Variants in SAMD3 observed in about 807,000 individuals in gnomAD.
SAMD3 encodes the protein sterile alpha motif domain containing 3.
In SAMD3, 63 loss-of-function variants were observed where a neutral mutation model predicts 58.5. The observed-to-expected ratio is 1.08, with a 90% CI of 0.88 to 1.33. The LOEUF is 1.33. Among genes scored for constraint, SAMD3 ranks in the 40% most tolerant of loss-of-function variants. SAMD3 has a pLI of 0.00. For missense variants in SAMD3, 604 were observed against 608.4 expected, an observed-to-expected ratio of 0.99 and a Z score of 0.08; for synonymous variants, 220 against 210.3, an observed-to-expected ratio of 1.05 and a Z score of -0.40.
chr6:130,310,034 T>C (rs1189360697), intron 2 of SAMD3, among the ~76,000 whole-genome samples: 1 of 152,194 alleles, frequency 6.6e-6, no homozygotes, highest in African/African-American at 2.4e-5. Flanking sequence ...TAACACTGCA[T>C]TTCAAATCCA....
At chr6:130,255,859 T>C (rs944231006) in intron 2 of SAMD3, among the ~76,000 whole-genome samples, 5 of 151,932 alleles carry the variant, frequency 3.3e-5, no homozygotes, top group African/African-American at 1.2e-4. Context: ...TCTTGTCTTT[T>C]TTTTTTTTAA....
intron 1 of SAMD3, among the ~76,000 whole-genome samples, chr6:130,349,052 C>T (rs968636024): frequency 6.6e-6 from 1 of 151,888 alleles, no homozygotes; most frequent in African/African-American, 2.4e-5. Flanking sequence ...CACAACATAC[C>T]AGCATCTCTG....
Position 130,155,050 on chromosome 6 carries a change from A to G in SAMD3, c.823-25T>C, listed in dbSNP as rs111508368. ...CCTGCAAAACATTTTCAACATATCAATGGATTCCATGTTTCTATAAAAACT... is the reference window on the plus strand; with the variant it reads ...CCTGCAAAACATTTTCAACATATCAGTGGATTCCATGTTTCTATAAAAACT... On this transcript the variant is annotated intron_variant, in intron 8 of 11. Transcript: ENST00000439090. 272 of 1,580,742 alleles carry G rather than the reference A, an allele frequency of 1.7e-4. 1 individual carries two copies. In the Middle Eastern group the frequency reaches 2.3e-3, roughly 14 times the overall value.
At chr6:130,189,792 T>A (rs987875448) in intron 5 of SAMD3, among the ~76,000 whole-genome samples, 10 of 152,152 alleles carry the variant, frequency 6.6e-5, no homozygotes, top group African/African-American at 2.2e-4. Context: ...AAACACATTT[T>A]AAAAAAATTA....
intron 2 of SAMD3, among the ~76,000 whole-genome samples, chr6:130,245,876 G>A (rs79869667): frequency 0.017 from 2,586 of 152,168 alleles, 75 homozygotes; most frequent in African/African-American, 0.059. Context: ...CAAATCATGC[G>A]TGTGTCTTCC....
intron 1 of SAMD3, among the ~76,000 whole-genome samples, chr6:130,216,906 A>G (rs1220607411): frequency 2.6e-5 from 4 of 152,214 alleles, no homozygotes; most frequent in African/African-American, 9.7e-5. Context: ...TAGGGAAAAA[A>G]TAGAAAATAG....
intron 8 of SAMD3, among the ~76,000 whole-genome samples, chr6:130,170,909 T>C (rs1286789010): frequency 6.6e-6 from 1 of 152,226 alleles, no homozygotes; most frequent in Non-Finnish European, 1.5e-5. Flanking sequence ...TGACTTCCTC[T>C]CATCCTATTT....
rs551232945 is a variant in SAMD3 at position 130,181,996 on chromosome 6, C to T, written c.654+2107G>A. 7.0e-4 allele frequency among the ~76,000 whole-genome samples: 104 copies of T among 147,968 alleles called. 1 individual carries two copies. The highest frequency in any genetic ancestry group is 1.9e-3 in the Admixed American group (27 of 14,162). Reference sequence around the variant, plus strand: ...AGGAGAATGGCGTGAACCCATGAGGCGGAGCTTGCAGTGAGTCGAGATCGT... The same window carrying T: ...AGGAGAATGGCGTGAACCCATGAGGTGGAGCTTGCAGTGAGTCGAGATCGT... On this transcript the variant is annotated intron_variant, in intron 7 of 11. Transcript: ENST00000439090.
At chr6:130,308,661 G>C (rs1177671226) in intron 2 of SAMD3, among the ~76,000 whole-genome samples, 1 of 152,002 alleles carries the variant, frequency 6.6e-6, no homozygotes, top group African/African-American at 2.4e-5. Context: ...CTCAAATCAA[G>C]GGGAAAATTT....
chr6:130,322,945 T>C (rs567911745), intron 1 of SAMD3, among the ~76,000 whole-genome samples: 102 of 152,288 alleles, frequency 6.7e-4, no homozygotes, highest in African/African-American at 2.4e-3. Flanking sequence ...TTTGTTTTTT[T>C]CCTAGCATTT....
chr6:130,209,456 T>A, intron 5 of SAMD3, 39 bp downstream of exon 5: 1 of 1,047,602 alleles, frequency 9.5e-7, no homozygotes, highest in South Asian at 1.4e-5. Flanking sequence ...GAGAAGAATG[T>A]TATTTGGCTT....
chr6:130,257,182 G>C (rs529934963), intron 2 of SAMD3, among the ~76,000 whole-genome samples: 1 of 148,686 alleles, frequency 6.7e-6, no homozygotes, highest in East Asian at 2.0e-4. Context: ...TCCTTATAAG[G>C]ACAGAGGAAT....
Position 130,215,708 on chromosome 6 carries a change from G to T in SAMD3, c.-21-414C>A, listed in dbSNP as rs1347521067. ...GAAGTGGTTGACATTTACAGAAGGGGTGGGCAGGAGAGGAAGGGAGGAAGG... is the reference window on the plus strand; with the variant it reads ...GAAGTGGTTGACATTTACAGAAGGGTTGGGCAGGAGAGGAAGGGAGGAAGG... On this transcript the variant is annotated intron_variant, in intron 2 of 11. Coordinates refer to ENST00000439090, the MANE Select transcript of SAMD3 (RefSeq NM_001017373.4). The T allele has an allele frequency of 2.1e-6, 3 of 1,462,244 alleles. No individual in the cohort carries two copies. In the African/African-American group the frequency reaches 4.2e-5, roughly 21 times the overall value. The allele number at this position is 1,462,244 out of a possible 1,614,324, so 90.6% of individuals were successfully genotyped here. A position where few individuals can be genotyped will look rare whatever the true frequency, so the allele number is the denominator to read the frequency against.
chr6:130,146,231 T>G, intron 9 of SAMD3, 50 bp from the exon 10 acceptor site: 1 of 1,191,750 alleles, frequency 8.4e-7, no homozygotes, highest in Non-Finnish European at 1.1e-6. Flanking sequence ...GAAAAGCTAA[T>G]ATATAGAATG....
intron 1 of SAMD3, among the ~76,000 whole-genome samples, chr6:130,325,698 G>T (rs991939132): frequency 2.6e-5 from 4 of 152,122 alleles, no homozygotes; most frequent in Non-Finnish European, 5.9e-5. Flanking sequence ...TAAGCATCAC[G>T]CTGTGTATGA....
At chr6:130,160,374 T>C (rs1003730216) in intron 8 of SAMD3, 1 of 152,164 alleles carries the variant, frequency 6.6e-6, no homozygotes, top group Non-Finnish European at 1.5e-5. Context: ...AAGGAACTTA[T>C]CAAAGCCAAC....
intron 8 of SAMD3, among the ~76,000 whole-genome samples, chr6:130,156,608 A>G (rs976034441): frequency 1.3e-5 from 2 of 152,174 alleles, no homozygotes; most frequent in African/African-American, 2.4e-5. Context: ...CTAAAATCTC[A>G]GTTTGGGGGC....
At chr6:130,307,327 G>C (rs1216530238) in intron 2 of SAMD3, among the ~76,000 whole-genome samples, 1 of 146,506 alleles carries the variant, frequency 6.8e-6, no homozygotes, top group Non-Finnish European at 1.5e-5. Context: ...TTGAACAAGA[G>C]GTCCCACATT....
intron 2 of SAMD3, among the ~76,000 whole-genome samples, chr6:130,293,464 C>T (rs541519078): frequency 2.6e-5 from 4 of 151,988 alleles, no homozygotes; most frequent in South Asian, 2.1e-4. Flanking sequence ...AGACAAAGAT[C>T]GAAATAATGT....
Sources: allele counts gnomAD v4.1 joint callset (sites outside exome capture counted in the v4.1 genomes callset), GRCh38; gene constraint gnomAD v4.1.1; transcripts MANE v1.5; gene names NCBI Gene and HGNC (gene_info 2026-07-23, HGNC 2026-07-21).